Variants in FBN1 observed in about 807,000 individuals in gnomAD.
FBN1 encodes fibrillin 1, also known as fibrillin-1.
FBN1 carries 29 observed loss-of-function variants against 365.1 expected under a neutral mutation model. The observed-to-expected ratio is 0.08, with a 90% confidence interval of 0.06 to 0.11. The LOEUF is 0.11. Among genes scored for constraint, FBN1 ranks in the 10% least tolerant of loss-of-function variants. FBN1 has a pLI of 1.00. For missense variants in FBN1, 2,476 were observed against 3,703.2 expected (o/e 0.67, Z 8.60); for synonymous variants, 1,210 against 1,270.5 (o/e 0.95, Z 1.01).
chr15:48,427,830 A>G, intron 57 of FBN1, 57 bp from the exon 58 acceptor site: 1 of 1,539,518 alleles, frequency 6.5e-7, no homozygotes, highest in South Asian at 1.1e-5. Flanking sequence ...AGCAAACAAA[A>G]TATTAAAAAT....
intron 7 of FBN1, among the ~76,000 whole-genome samples, chr15:48,534,908 A>C (rs1020057480): frequency 6.6e-6 from 1 of 152,152 alleles, no homozygotes; most frequent in Non-Finnish European, 1.5e-5. Context: ...TGTCAGTGAG[A>C]TCATGTCTTT....
intron 2 of FBN1, among the ~76,000 whole-genome samples, chr15:48,620,359 T>G (rs1253316695): frequency 6.6e-6 from 1 of 152,180 alleles, no homozygotes; most frequent in Admixed American, 6.5e-5. Flanking sequence ...ATCTATTGAG[T>G]GCTTATCCTA....
At chr15:48,611,200 A>G (rs1597631969) in intron 3 of FBN1, among the ~76,000 whole-genome samples, 1 of 152,302 alleles carries the variant, frequency 6.6e-6, no homozygotes, top group East Asian at 1.9e-4. Flanking sequence ...TAACTCTAAG[A>G]TTTAATGATA....
chr15:48,643,387 T>C (rs988463785), intron 2 of FBN1: 1 of 152,242 alleles, frequency 6.6e-6, no homozygotes, highest in African/African-American at 2.4e-5. Flanking sequence ...TTCTGTGCTA[T>C]TTTATCACAG....
Position 48,479,036 on chromosome 15 carries a change from T to A in FBN1, c.3964+2619A>T, listed in dbSNP as rs550577065. 2.7e-3 allele frequency among the ~76,000 whole-genome samples: 415 copies of A among 152,332 alleles called. 2 individuals are homozygous for A. The highest frequency in any genetic ancestry group is 4.5e-3 in the Non-Finnish European group (305 of 68,016). On this transcript the variant is annotated intron_variant, in intron 32 of 65. Transcript: ENST00000316623. Reference sequence around the variant, plus strand: ...TAATCTATCTAAATAAATAAATAGATAAATAAGTAGACATATTCCTTTTGT... The same window carrying A: ...TAATCTATCTAAATAAATAAATAGAAAAATAAGTAGACATATTCCTTTTGT...
intron 2 of FBN1, chr15:48,641,552 G>C (rs746514326): frequency 5.3e-5 from 8 of 152,170 alleles, no homozygotes; most frequent in Non-Finnish European, 1.2e-4. Flanking sequence ...TGAGTTTAAG[G>C]TACCTTTTAA....
At chr15:48,568,084 G>GA (rs1447250769) in intron 6 of FBN1, among the ~76,000 whole-genome samples, 2 of 130,656 alleles carry the variant, frequency 1.5e-5, no homozygotes, top group African/African-American at 5.7e-5. Context: ...AAGAAAGAAA[G>GA]ACTATCTTTA....
chr15:48,623,152 A>C (rs1350836455), intron 2 of FBN1, among the ~76,000 whole-genome samples: 1 of 152,240 alleles, frequency 6.6e-6, no homozygotes, highest in Non-Finnish European at 1.5e-5. Flanking sequence ...ACACAAGATA[A>C]TATTGACTAA....
chr15:48,522,496 T>C (rs1382477069), intron 9 of FBN1, among the ~76,000 whole-genome samples: 3 of 152,154 alleles, frequency 2.0e-5, no homozygotes, highest in African/African-American at 7.2e-5. Flanking sequence ...TAAAGGAATA[T>C]AAGGGTTAAA....
Position 48,537,660 on chromosome 15 carries a change from G to C in FBN1, c.687C>G (p.His229Gln), listed in dbSNP as rs1391600366. 4.3e-6 allele frequency: 7 copies of C among 1,614,106 alleles called. No individual in the cohort carries two copies. Among genetic ancestry groups the C allele is most frequent in the Middle Eastern group, 1.6e-4 (1 of 6,084 alleles). Residue 229 changes from histidine (H) to glutamine (Q), a missense_variant, in exon 7 of 66, where the codon CAC becomes CAG. By Grantham distance (24) the His-to-Gln change is conservative. Around this residue, in one of 5 missense-constraint regions of FBN1, gnomAD observed 421 missense variants for 520.1 expected, o/e 0.81. Transcript: ENST00000316623. ...TTGGAATGAAGCCACGGCGGCAGGG[G>C]TGAGGCTGGGCAGGACACATCTCAC... Reference protein sequence around the residue: ...HPCEMCPAQPHPCRRGFIPNI... With the variant: ...HPCEMCPAQPQPCRRGFIPNI...
Position 48,441,767 on chromosome 15 carries a change from C to T in FBN1, c.6117G>A (p.Leu2039=). The T allele has an allele frequency of 6.2e-7, 1 of 1,613,768 alleles. No homozygotes were observed. Among genetic ancestry groups the T allele is most frequent in the Non-Finnish European group, 8.5e-7 (1 of 1,179,720 alleles). The change falls in exon 50 of 66, where the codon CTG becomes CTA. Residue 2039 remains leucine, a synonymous_variant. Transcript: ENST00000316623. ...CSNTEGSFKC[L]CPEGFSLSSS... is the part of the protein sequence containing the mutation. ...AGGACAAGGAAAACCCTTCTGGACA[C>T]AGACATTTGAAGCTGCCTTCAGTGT...
intron 2 of FBN1, among the ~76,000 whole-genome samples, chr15:48,624,380 T>C (rs1889831796): frequency 6.6e-6 from 1 of 152,220 alleles, no homozygotes; most frequent in African/African-American, 2.4e-5. Context: ...TAACTTGCTG[T>C]CCTAGTGTGT....
chr15:48,445,698 C>A (rs2141249491), intron 47 of FBN1, among the ~76,000 whole-genome samples, 194 bp from the exon 48 acceptor site: 1 of 152,190 alleles, frequency 6.6e-6, no homozygotes, highest in African/African-American at 2.4e-5. Flanking sequence ...ACACATTTAA[C>A]AATAAGATTA....
chr15:48,593,424 C>A (rs983449908), intron 6 of FBN1, among the ~76,000 whole-genome samples: 2 of 152,114 alleles, frequency 1.3e-5, no homozygotes, highest in African/African-American at 4.8e-5. Flanking sequence ...TCAAAACATT[C>A]CTCCTTTTTG....
intron 63 of FBN1, among the ~76,000 whole-genome samples, chr15:48,419,923 G>C (rs1387720388): frequency 6.6e-6 from 1 of 152,200 alleles, no homozygotes; most frequent in African/African-American, 2.4e-5. Flanking sequence ...AAAGTTAAGA[G>C]TTGTGGGTTC....
chr15:48,592,011 T>C (rs1292808020), intron 6 of FBN1, among the ~76,000 whole-genome samples: 1 of 152,238 alleles, frequency 6.6e-6, no homozygotes, highest in African/African-American at 2.4e-5. Context: ...ACTTTTCTCA[T>C]AAGGTTGTTG....
rs5027381 is a variant in FBN1, at chr15:48,530,238, G to A, written c.862+3842C>T. 5.6e-5 allele frequency among the ~76,000 whole-genome samples: 4 copies of A among 71,368 alleles called. No individual in the cohort carries two copies. The East Asian group carries it at 1.3e-3, about 24-fold the overall frequency. The allele number at this position is 71,368 out of a possible 152,430, so 46.8% of individuals were successfully genotyped here. A position where few individuals can be genotyped will look rare whatever the true frequency, so the allele number is the denominator to read the frequency against. On this transcript the variant is annotated intron_variant, in intron 8 of 65. Transcript: ENST00000316623. ...CTTATCCATGCTGCATCCGCCGCCT[G>A]ATCACAACTTGAAAATGGAGTCTGA...
chr15:48,427,245 T>A (rs1051152834), intron 58 of FBN1, among the ~76,000 whole-genome samples: 2 of 152,252 alleles, frequency 1.3e-5, no homozygotes, highest in Non-Finnish European at 2.9e-5. Flanking sequence ...TTAATAATCA[T>A]TTATTTCAAA....
At chr15:48,522,331 AATTT>A (rs1230045292) in intron 9 of FBN1, among the ~76,000 whole-genome samples, 3 of 152,080 alleles carry the variant, frequency 2.0e-5, no homozygotes, top group Admixed American at 6.5e-5. Flanking sequence ...TAATTTAATT[AATTT>A]AATATAATAC....
Sources: allele counts gnomAD v4.1 joint callset (sites outside exome capture counted in the v4.1 genomes callset), GRCh38; gene constraint gnomAD v4.1.1; regional missense constraint gnomAD v4.1.1; transcripts MANE v1.5; gene names NCBI Gene and HGNC (gene_info 2026-07-23, HGNC 2026-07-21).